Variants in LRP1B observed in about 807,000 individuals in gnomAD.
LRP1B encodes the protein LDL receptor related protein 1B.
LRP1B carries 217 observed loss-of-function variants against 556.6 expected under a neutral mutation model. The observed-to-expected ratio is 0.39, with a 90% CI of 0.35 to 0.44. The LOEUF (loss-of-function observed/expected upper bound fraction) is 0.44, where lower values mean the gene tolerates loss of function less well. Ranked by LOEUF, LRP1B falls within the 20% of genes least tolerant of loss-of-function variation. The pLI, the probability that LRP1B is intolerant of heterozygous loss-of-function variation, is 1.00. For missense variants in LRP1B, 5,053 were observed against 5,620.8 expected, an observed-to-expected ratio of 0.90 and a Z score of 3.23; for synonymous variants, 2,047 against 1,865.8, an observed-to-expected ratio of 1.10 and a Z score of -2.50.
rs1201162724 is a variant in LRP1B, at chr2:141,910,146, A to AAG, written c.83-99746_83-99745insCT. ...ACAGAGCGAGACTCCATCTCAAAAA[A>AAG]AAAAAAAAAAAAATTGTCTGCATTT... is the stretch of plus-strand genomic sequence containing the variant. On this transcript the variant is annotated intron_variant, in intron 1 of 90. Coordinates refer to ENST00000389484, the MANE Select transcript of LRP1B (RefSeq NM_018557.3). 1.8e-4 allele frequency among the ~76,000 whole-genome samples: 27 copies of AAG among 151,568 alleles called. 1 individual carries two copies. The highest frequency in any genetic ancestry group is 4.2e-4 in the South Asian group (2 of 4,792).
At chr2:140,877,956 T>A (rs575421294) in intron 25 of LRP1B, among the ~76,000 whole-genome samples, 1 of 152,302 alleles carries the variant, frequency 6.6e-6, no homozygotes, top group East Asian at 1.9e-4. Context: ...ACAGACAGCT[T>A]TAGTTCTATG....
intron 32 of LRP1B, among the ~76,000 whole-genome samples, chr2:140,784,029 A>G (rs1416029098): frequency 6.6e-6 from 1 of 152,166 alleles, no homozygotes; most frequent in Non-Finnish European, 1.5e-5. Flanking sequence ...GGTGATGCAG[A>G]TGTGCTGATG....
At chr2:140,275,498 G>A (rs1246382217) in intron 84 of LRP1B, among the ~76,000 whole-genome samples, 1 of 151,990 alleles carries the variant, frequency 6.6e-6, no homozygotes, top group Non-Finnish European at 1.5e-5. Flanking sequence ...CATGTGGTGA[G>A]CAGAGGACTC....
At position 140,868,337 on chromosome 2, in the gene LRP1B, T is replaced by G. The variant is rs919119668; in HGVS notation, c.4170-74A>C. The G allele has an allele frequency of 3.7e-6, 5 of 1,352,276 alleles. No homozygotes were observed. In the African/African-American group the frequency reaches 6.0e-5, roughly 16 times the overall value. 83.8% of individuals were successfully genotyped at this position (1,352,276 alleles called of 1,614,324 possible). The stretch of plus-strand genomic sequence containing the variant: ...ATTTCACAGATATTTATTGAGTGCC[T>G]ACCATATGCTAGGCACTGGATAGGT... On this transcript the variant is annotated intron_variant, in intron 25 of 90. Coordinates refer to ENST00000389484, the MANE Select transcript of LRP1B (RefSeq NM_018557.3).
At chr2:141,598,513 A>G (rs1687604626) in intron 2 of LRP1B, among the ~76,000 whole-genome samples, 1 of 152,070 alleles carries the variant, frequency 6.6e-6, no homozygotes, top group African/African-American at 2.4e-5. Context: ...AAGGACAGAA[A>G]TGATATTATT....
intron 3 of LRP1B, among the ~76,000 whole-genome samples, chr2:141,446,651 T>C (rs548787093): frequency 7.4e-4 from 112 of 152,324 alleles, no homozygotes; most frequent in African/African-American, 2.6e-3. Context: ...AAGGATTTTA[T>C]TTCTCATTTG....
intron 21 of LRP1B, among the ~76,000 whole-genome samples, chr2:140,919,993 T>A (rs1359860990): frequency 6.6e-6 from 1 of 152,090 alleles, no homozygotes; most frequent in Non-Finnish European, 1.5e-5. Flanking sequence ...TATAACCTTA[T>A]ACAATCCTAC....
intron 84 of LRP1B, among the ~76,000 whole-genome samples, chr2:140,284,142 C>G (rs769622588): frequency 6.6e-6 from 1 of 151,626 alleles, no homozygotes; most frequent in Non-Finnish European, 1.5e-5. Flanking sequence ...TAATTTCAGC[C>G]TGATACAATT....
Position 140,676,582 on chromosome 2 carries a change from T to C in LRP1B, c.6799+23668A>G, listed in dbSNP as rs146163094. On this transcript the variant is annotated intron_variant, in intron 41 of 90. Coordinates refer to ENST00000389484, the MANE Select transcript of LRP1B (RefSeq NM_018557.3). Reference sequence around the variant, plus strand: ...AAGTTTGCTGCTTTCATTACAAGTTTGACTTTTTAAATTTAAATAGACACT... The same window carrying C: ...AAGTTTGCTGCTTTCATTACAAGTTCGACTTTTTAAATTTAAATAGACACT... Among the ~76,000 whole-genome samples the C allele has an allele frequency of 3.0e-4, 46 of 152,312 alleles. 1 individual carries two copies. Among genetic ancestry groups the C allele is most frequent in the African/African-American group, 9.6e-4 (40 of 41,574 alleles).
chr2:141,570,536 G>C (rs1218520000), intron 2 of LRP1B, among the ~76,000 whole-genome samples: 2 of 151,336 alleles, frequency 1.3e-5, no homozygotes, highest in Admixed American at 6.6e-5. Context: ...CTCCCAGGGG[G>C]AGGGGTGACC....
chr2:140,510,078 C>A lies in LRP1B; in HGVS notation c.8270-22G>T, dbSNP rs768590114. On this transcript the variant is annotated intron_variant, in intron 51 of 90. Coordinates refer to ENST00000389484, the MANE Select transcript of LRP1B (RefSeq NM_018557.3). ...GCACCTGAAACACAAAAACATAATG[C>A]CATTAAGATTACTCTGTGTCCACTG... 10 of 1,611,036 alleles carry A rather than the reference C, an allele frequency of 6.2e-6. No individual in the cohort carries two copies. The East Asian group carries it at 2.0e-4, about 32-fold the overall frequency.
At chr2:142,086,649 A>AAAC (rs1454848744) in intron 1 of LRP1B, among the ~76,000 whole-genome samples, 28 of 151,932 alleles carry the variant, frequency 1.8e-4, no homozygotes, top group Non-Finnish European at 3.4e-4. Context: ...ACAAAAAAAA[A>AAAC]ACACAACTTG....
At chr2:141,447,740 G>C (rs1377161059) in intron 3 of LRP1B, among the ~76,000 whole-genome samples, 2 of 152,200 alleles carry the variant, frequency 1.3e-5, no homozygotes, top group Non-Finnish European at 2.9e-5. Flanking sequence ...ATCACCAGCA[G>C]AGGCTACAGG....
chr2:141,151,733 T>C (rs976466379), intron 7 of LRP1B, among the ~76,000 whole-genome samples: 8 of 152,096 alleles, frequency 5.3e-5, no homozygotes, highest in Admixed American at 2.0e-4. Context: ...TTTTTCCTGG[T>C]AATACAACCA....
chr2:141,826,471 T>C (rs1696932383), intron 1 of LRP1B, among the ~76,000 whole-genome samples: 1 of 147,942 alleles, frequency 6.8e-6, no homozygotes, highest in Non-Finnish European at 1.5e-5. Context: ...GCCATTCTCC[T>C]GCCTCAGCCT....
At chr2:141,365,034 G>A (rs564993509) in intron 3 of LRP1B, among the ~76,000 whole-genome samples, 2 of 152,230 alleles carry the variant, frequency 1.3e-5, no homozygotes, top group South Asian at 4.1e-4. Context: ...AGAGAAAACA[G>A]CTTATGATGA....
At chr2:140,915,559 C>T (rs1229315854) in intron 21 of LRP1B, among the ~76,000 whole-genome samples, 1 of 151,704 alleles carries the variant, frequency 6.6e-6, no homozygotes, top group African/African-American at 2.4e-5. Flanking sequence ...GAGGCTGAGG[C>T]AGATATTGCT....
chr2:140,952,593 A>G lies in LRP1B; in HGVS notation c.2888-653T>C, dbSNP rs527437375. Among the ~76,000 whole-genome samples the G allele has an allele frequency of 3.3e-5, 5 of 152,290 alleles. No homozygotes were observed. In the South Asian group the frequency reaches 1.0e-3, roughly 32 times the overall value. ...AAGATGAATTTTACATAATTAAATCAAGAGACCTCCTTACTAACCTTTAGA... is the reference window on the plus strand; with the variant it reads ...AAGATGAATTTTACATAATTAAATCGAGAGACCTCCTTACTAACCTTTAGA... On this transcript the variant is annotated intron_variant, in intron 18 of 90. Transcript: ENST00000389484.
At chr2:141,694,589 A>G (rs761421294) in intron 2 of LRP1B, among the ~76,000 whole-genome samples, 1 of 151,938 alleles carries the variant, frequency 6.6e-6, no homozygotes, top group Non-Finnish European at 1.5e-5. Flanking sequence ...CCCCATGATT[A>G]GGAAATCTCT....
Sources: gnomAD v4.1 joint callset for allele counts (sites outside exome capture counted in the v4.1 genomes callset) on GRCh38, gnomAD v4.1.1 for gene constraint, MANE v1.5 for transcripts, NCBI Gene and HGNC (gene_info 2026-07-23, HGNC 2026-07-21) for gene names.